Variants in SHISA9 observed in about 807,000 individuals in gnomAD.
SHISA9 encodes protein shisa-9.
Under a neutral mutation model 38.0 loss-of-function variants are expected in SHISA9, and 13 were observed. The ratio of observed to expected loss-of-function variants is 0.34; its 90% CI spans 0.22 to 0.54. The LOEUF is 0.54. SHISA9 is among the 20% of genes least tolerant of loss of function. The probability of loss-of-function intolerance (pLI) is 0.91; values close to 1 mark genes in which losing one functional copy is unlikely to be tolerated. For synonymous variants in SHISA9, 275 were observed against 242.0 expected (o/e 1.14, Z -1.27); for missense variants, 538 against 575.8 (o/e 0.93, Z 0.67).
At chr16:13,186,747 G>A (rs942406888) in intron 2 of SHISA9, among the ~76,000 whole-genome samples, 1 of 152,090 alleles carries the variant, frequency 6.6e-6, no homozygotes, top group African/African-American at 2.4e-5. Context: ...TCCAGCCCCT[G>A]GTAACCATTC....
intron 2 of SHISA9, among the ~76,000 whole-genome samples, chr16:13,097,403 G>C (rs550469092): frequency 6.6e-6 from 1 of 151,466 alleles, no homozygotes; most frequent in Admixed American, 6.6e-5. Flanking sequence ...CGACATCATA[G>C]TGGCATTGTC....
chr16:13,280,703 C>T, the SHISA9 span, among the ~76,000 whole-genome samples: 1 of 151,712 alleles, frequency 6.6e-6, no homozygotes, highest in Non-Finnish European at 1.5e-5. Context: ...ACTTAGATAT[C>T]TACATGCAAT....
chr16:12,966,122 G>A (rs2071974856), intron 2 of SHISA9, among the ~76,000 whole-genome samples: 1 of 152,240 alleles, frequency 6.6e-6, no homozygotes, highest in South Asian at 2.1e-4. Flanking sequence ...AACCAAAATT[G>A]TCTCTAAACA....
intron 2 of SHISA9, among the ~76,000 whole-genome samples, chr16:13,108,426 G>C (rs746553345): frequency 6.6e-6 from 1 of 152,028 alleles, no homozygotes; most frequent in African/African-American, 2.4e-5. Context: ...CATCATGCCC[G>C]GCTAATTTTT....
At chr16:13,143,736 A>G (rs2050422895) in intron 2 of SHISA9, among the ~76,000 whole-genome samples, 1 of 152,228 alleles carries the variant, frequency 6.6e-6, no homozygotes, top group South Asian at 2.1e-4. Flanking sequence ...AGGAAGCTAC[A>G]TTACAATCCC....
At chr16:13,040,955 A>T (rs1006095830) in intron 2 of SHISA9, among the ~76,000 whole-genome samples, 1 of 151,894 alleles carries the variant, frequency 6.6e-6, no homozygotes, top group Non-Finnish European at 1.5e-5. Context: ...CACCCAAGTG[A>T]CCCCCAACCT....
intron 2 of SHISA9, among the ~76,000 whole-genome samples, chr16:13,202,887 C>T (rs1014379327): frequency 1.4e-4 from 21 of 152,184 alleles, no homozygotes; most frequent in African/African-American, 2.9e-4. Flanking sequence ...TTTCAATACT[C>T]AGTGCCTGAT....
chr16:13,373,868 A>G, the SHISA9 span, among the ~76,000 whole-genome samples: 126 of 152,254 alleles, frequency 8.3e-4, 2 homozygotes, highest in Non-Finnish European at 1.9e-4. Flanking sequence ...AGAGGCCCAC[A>G]CAGAATAAGA....
chr16:13,230,906 G>A (rs373197961), intron 4 of SHISA9, among the ~76,000 whole-genome samples: 3 of 152,318 alleles, frequency 2.0e-5, no homozygotes, highest in East Asian at 3.9e-4. Context: ...GCTGGTGGGA[G>A]TGTAGCAGTG....
intron 2 of SHISA9, among the ~76,000 whole-genome samples, chr16:13,117,522 A>G (rs74012270): frequency 0.03 from 4,639 of 152,296 alleles, 103 homozygotes; most frequent in East Asian, 0.11. Flanking sequence ...AGTTCATTCC[A>G]GATTATCTGC....
chr16:12,921,922 A>T (rs2071334033), intron 2 of SHISA9, among the ~76,000 whole-genome samples: 2 of 152,236 alleles, frequency 1.3e-5, no homozygotes, highest in Non-Finnish European at 2.9e-5. Flanking sequence ...CAAAACATGG[A>T]TTCCTCAAAA....
chr16:13,299,571 G>T, the SHISA9 span, among the ~76,000 whole-genome samples: 5 of 152,144 alleles, frequency 3.3e-5, no homozygotes, highest in East Asian at 1.9e-4. Flanking sequence ...AAAATTAGCC[G>T]GGTGTGGTAG....
the SHISA9 span, among the ~76,000 whole-genome samples, chr16:13,391,994 T>G: frequency 6.6e-6 from 1 of 152,172 alleles, no homozygotes; most frequent in Non-Finnish European, 1.5e-5. Context: ...TTTGCTGGTA[T>G]CTGTTTATAG....
At chr16:13,312,826 A>G in the SHISA9 span, among the ~76,000 whole-genome samples, 10 of 152,348 alleles carry the variant, frequency 6.6e-5, no homozygotes, top group African/African-American at 2.4e-4. Context: ...TTCTAGAGAA[A>G]GCACTAATGT....
At chr16:13,324,429 C>A in the SHISA9 span, among the ~76,000 whole-genome samples, 1 of 152,092 alleles carries the variant, frequency 6.6e-6, no homozygotes, top group Non-Finnish European at 1.5e-5. Context: ...TTCTGATTGG[C>A]AACCACAAAG....
At chr16:13,453,709 C>G in the SHISA9 span, among the ~76,000 whole-genome samples, 1 of 152,304 alleles carries the variant, frequency 6.6e-6, no homozygotes, top group Admixed American at 6.5e-5. Context: ...TTGTTTTAAG[C>G]CACTACATTT....
chr16:12,912,428 A>G (rs149327643), intron 1 of SHISA9, among the ~76,000 whole-genome samples: 1,601 of 152,290 alleles, frequency 0.011, 9 homozygotes, highest in Middle Eastern at 0.044. Flanking sequence ...AAGCCTGAAT[A>G]GTTCGGAGTT....
chr16:13,235,589 CGTG>C lies in SHISA9; in HGVS notation c.*181_*183del. 1 of 761,986 alleles carries C rather than the reference CGTG, an allele frequency of 1.3e-6. No homozygotes were observed. The highest frequency in any genetic ancestry group is 2.0e-6 in the Non-Finnish European group (1 of 495,582). 47.2% of individuals were successfully genotyped at this position (761,986 alleles called of 1,614,324 possible). Reference sequence around the variant, plus strand: ...CGCTTTTCCTAGGTCATGCCTGTAACGTGTCGGCGGGCAGCTGAGAAAGACCGA... The same window carrying C: ...CGCTTTTCCTAGGTCATGCCTGTAACTCGGCGGGCAGCTGAGAAAGACCGA... On this transcript the variant is annotated 3_prime_UTR_variant, in exon 5 of 5. Transcript: ENST00000558583.
At chr16:12,975,403 C>CT (rs1233464069) in intron 2 of SHISA9, among the ~76,000 whole-genome samples, 1 of 151,962 alleles carries the variant, frequency 6.6e-6, no homozygotes, top group African/African-American at 2.4e-5. Flanking sequence ...ACTCAGGAGG[C>CT]TAAGGCAGGA....
Sources: allele counts gnomAD v4.1 joint callset (sites outside exome capture counted in the v4.1 genomes callset), GRCh38; gene constraint gnomAD v4.1.1; transcripts MANE v1.5; gene names NCBI Gene and HGNC (gene_info 2026-07-23, HGNC 2026-07-21).